The following RBM12B variants were observed in gnomAD, a reference collection of about 807,000 sequenced individuals.
RBM12B encodes RNA binding motif protein 12B.
Under a neutral mutation model 34.3 loss-of-function variants are expected in RBM12B, and 10 were observed. That is an observed-to-expected ratio of 0.29 (90% CI 0.18 to 0.49). RBM12B has a LOEUF of 0.49. Ranked by LOEUF, RBM12B falls within the 20% of genes least tolerant of loss-of-function variation. RBM12B has a pLI of 0.99. For missense variants in RBM12B, 1,139 were observed against 1,262.7 expected (o/e 0.90, Z 1.48); for synonymous variants, 477 against 437.1 (o/e 1.09, Z -1.14).
rs1336106553 is a variant in RBM12B at position 93,735,096 on chromosome 8, C to T, written c.1315G>A (p.Val439Ile). 1.9e-6 allele frequency: 3 copies of T among 1,614,172 alleles called. No homozygotes were observed. The highest frequency in any genetic ancestry group is 1.1e-5 in the South Asian group (1 of 91,080). Residue 439 changes from valine to isoleucine, a missense_variant, in exon 4 of 4, where the codon GTT becomes ATT. Physicochemically the swap from Val to Ile is conservative, Grantham distance 29. Coordinates refer to ENST00000520560, the MANE Select transcript of RBM12B (RefSeq NM_001377960.1). The part of the protein sequence containing the change: ...DIYLLYDDKG[V>I]GLGEALVKFK... ...TTCACTAATGCTTCTCCCAGACCAA[C>T]ACCTTTGTCATCATAAAGCAAGTAA...
At position 93,740,773 on chromosome 8, in the gene RBM12B, C is replaced by A. The variant is rs571997078; in HGVS notation, c.-145-77G>T. On this transcript the variant is annotated intron_variant, in intron 1 of 3. Coordinates refer to ENST00000520560, the MANE Select transcript of RBM12B (RefSeq NM_001377960.1). ...CGGCAGGAGCTACGCTAGATACTGGCGCGGCCGCCGGTCCCGCCTTTCCCC... is the reference window on the plus strand; with the variant it reads ...CGGCAGGAGCTACGCTAGATACTGGAGCGGCCGCCGGTCCCGCCTTTCCCC... 1.1e-3 allele frequency: 354 copies of A among 336,462 alleles called. 3 individuals are homozygous for A. The Admixed American group carries it at 0.014, about 13-fold the overall frequency. 20.8% of individuals were successfully genotyped at this position (336,462 alleles called of 1,614,324 possible). A position where few individuals can be genotyped will look rare whatever the true frequency, so the allele number is the denominator to read the frequency against.
Position 93,733,835 on chromosome 8 carries a change from G to A in RBM12B, c.2576C>T (p.Pro859Leu). The change falls in exon 4 of 4, where the codon CCT becomes CTT. Residue 859 changes from proline (P) to leucine (L), a missense_variant. Around this residue, in one of 3 missense-constraint regions of RBM12B, gnomAD observed 863 missense variants for 869.5 expected, o/e 0.99. Coordinates refer to ENST00000520560, the MANE Select transcript of RBM12B (RefSeq NM_001377960.1). ...AGGTCTAAAATTGTCAGGAAGTCTA[G>A]GGTCCTCCTCCGGAGCTTCCCTAAG... ...EDLREAPEED[P>L]RLPDNFRPPG... 6.2e-7 allele frequency: 1 copy of A among 1,614,096 alleles called. No homozygotes were observed.
rs1280728504 is a variant in RBM12B, at chr8:93,730,176, A to G, written c.*3229T>C. The G allele has an allele frequency of 2.0e-5, 3 of 152,248 alleles. No individual in the cohort carries two copies. Among genetic ancestry groups the G allele is most frequent in the Non-Finnish European group, 2.9e-5 (2 of 68,032 alleles). The allele number at this position is 152,248 out of a possible 1,614,324, so 9.4% of individuals were successfully genotyped here. On this transcript the variant is annotated 3_prime_UTR_variant, in exon 4 of 4. Transcript: ENST00000520560. ...GAATTAAATGATAGTTAATTCATAC[A>G]TAATTATACATCATATAGTATCTAA...
chr8:93,740,654 T>C lies in RBM12B; in HGVS notation c.-103A>G, dbSNP rs1261877368. ...CTATGAAATCCTTCGAGATCTTCAC[T>C]CTCAAGATCCCTGGGAAGCGCACAT... On this transcript the variant is annotated 5_prime_UTR_variant, in exon 2 of 4. Transcript: ENST00000520560. 2.6e-6 allele frequency: 1 copy of C among 380,574 alleles called. No individual in the cohort carries two copies. Among genetic ancestry groups the C allele is most frequent in the African/African-American group, 2.1e-5 (1 of 47,550 alleles). The allele number at this position is 380,574 out of a possible 1,614,324, so 23.6% of individuals were successfully genotyped here.
At position 93,740,616 on chromosome 8, in the gene RBM12B, GA is replaced by G; in HGVS notation, c.-78+12del. On this transcript the variant is annotated intron_variant, in intron 2 of 3. Coordinates refer to ENST00000520560, the MANE Select transcript of RBM12B (RefSeq NM_001377960.1). ...CCACTGACTACGATGACATAGCAAAGAAAAAAATATACCTATGAAATCCTTC... is the reference window on the plus strand; with the variant it reads ...CCACTGACTACGATGACATAGCAAAGAAAAAATATACCTATGAAATCCTTC... 1 of 415,712 alleles carries G rather than the reference GA, an allele frequency of 2.4e-6. No homozygotes were observed. Among genetic ancestry groups the G allele is most frequent in the South Asian group, 1.7e-5 (1 of 57,842 alleles). The allele number at this position is 415,712 out of a possible 1,614,324, so 25.8% of individuals were successfully genotyped here.
At position 93,728,168 on chromosome 8, in the gene RBM12B, G is replaced by T. The variant is rs775490509; in HGVS notation, c.*5237C>A. 2.2e-6 allele frequency: 3 copies of T among 1,340,044 alleles called. No homozygotes were observed. Among genetic ancestry groups the T allele is most frequent in the African/African-American group, 3.1e-5 (2 of 65,266 alleles). 83.0% of individuals were successfully genotyped at this position (1,340,044 alleles called of 1,614,324 possible). A position where few individuals can be genotyped will look rare whatever the true frequency, so the allele number is the denominator to read the frequency against. ...AAGAATGTAAAATTTTTTTAAGTTA[G>T]TATTTTTATTTTAAAAAGTGTGTTA... On this transcript the variant is annotated 3_prime_UTR_variant, in exon 4 of 4. Transcript: ENST00000520560.
Position 93,728,668 on chromosome 8 carries a change from A to C in RBM12B, c.*4737T>G, listed in dbSNP as rs1811659142. On this transcript the variant is annotated 3_prime_UTR_variant, in exon 4 of 4. Coordinates refer to ENST00000520560, the MANE Select transcript of RBM12B (RefSeq NM_001377960.1). Reference sequence around the variant, plus strand: ...GTTAAGACTCCATGCTTTCATTACCAGAAAAGGGTCTTACGTAGTCATTAT... The same window carrying C: ...GTTAAGACTCCATGCTTTCATTACCCGAAAAGGGTCTTACGTAGTCATTAT... The C allele has an allele frequency of 6.4e-6, 1 of 156,068 alleles. No homozygotes were observed. The highest frequency in any genetic ancestry group is 1.4e-5 in the Non-Finnish European group (1 of 70,854). The allele number at this position is 156,068 out of a possible 1,614,324, so 9.7% of individuals were successfully genotyped here.
intron 2 of RBM12B, among the ~76,000 whole-genome samples, chr8:93,737,807 CAA>C (rs78204688): frequency 1.7e-4 from 17 of 100,604 alleles, no homozygotes; most frequent in African/African-American, 3.2e-4. Context: ...ACCCAAAGTT[CAA>C]AAAAAAAAAA....
intron 3 of RBM12B, among the ~76,000 whole-genome samples, chr8:93,737,076 C>T (rs1008206181): frequency 6.6e-6 from 1 of 152,158 alleles, no homozygotes; most frequent in African/African-American, 2.4e-5. Context: ...GTGGCATGCA[C>T]CTGTAGTCCC....
chr8:93,734,833 G>T lies in RBM12B; in HGVS notation c.1578C>A (p.Asn526Lys). 6.2e-7 allele frequency: 1 copy of T among 1,614,124 alleles called. No individual in the cohort carries two copies. ...PPIYSVGAFENFRHQLEDLRQ... is the reference protein window; with the variant it reads ...PPIYSVGAFEKFRHQLEDLRQ... ...TCAAGTCCTCTAGCTGATGTCTAAA[G>T]TTTTCAAAAGCACCAACTGAGTATA... Residue 526 changes from asparagine (N) to lysine (K), a missense_variant, in exon 4 of 4, where the codon AAC (asparagine) becomes AAA (lysine). By Grantham distance (94) the Asn-to-Lys change is moderately conservative. Around this residue, in one of 3 missense-constraint regions of RBM12B, gnomAD observed 863 missense variants for 869.5 expected, o/e 0.99. Transcript: ENST00000520560.
intron 3 of RBM12B, among the ~76,000 whole-genome samples, chr8:93,736,848 C>G (rs1042167784): frequency 6.6e-6 from 1 of 152,156 alleles, no homozygotes; most frequent in Non-Finnish European, 1.5e-5. Flanking sequence ...TTAGAAAAGT[C>G]ATCTATGGTT....
At chr8:93,738,090 C>G (rs1010448250) in intron 2 of RBM12B, among the ~76,000 whole-genome samples, 7 of 152,162 alleles carry the variant, frequency 4.6e-5, no homozygotes, top group African/African-American at 1.4e-4. Flanking sequence ...AAGCACAGAA[C>G]CAAATTTCAT....
rs1811693930 is a variant in RBM12B, at chr8:93,729,313, G to A, written c.*4092C>T. 6.6e-6 allele frequency: 1 copy of A among 152,070 alleles called. No homozygotes were observed. The highest frequency in any genetic ancestry group is 1.5e-5 in the Non-Finnish European group (1 of 67,968). 9.4% of individuals were successfully genotyped at this position (152,070 alleles called of 1,614,324 possible). Reference sequence around the variant, plus strand: ...CTCCTTCCTGAGAATAGTCCTAAGTGACAAAGTTGTTTCAGTACTTTTTTG... The same window carrying A: ...CTCCTTCCTGAGAATAGTCCTAAGTAACAAAGTTGTTTCAGTACTTTTTTG... On this transcript the variant is annotated 3_prime_UTR_variant, in exon 4 of 4. Coordinates refer to ENST00000520560, the MANE Select transcript of RBM12B (RefSeq NM_001377960.1).
rs772767544 is a variant in RBM12B, at chr8:93,735,325, T to C, written c.1086A>G (p.Gln362=). The C allele has an allele frequency of 1.2e-6, 2 of 1,614,030 alleles. No homozygotes were observed. The highest frequency in any genetic ancestry group is 1.7e-6 in the Non-Finnish European group (2 of 1,180,032). The part of the protein sequence containing the change: ...PVHIDPISRK[Q]MLKFIARYEK... ...CATAACGTGCAATGAACTTCAGCATTTGTTTTCTAGAAATTGGATCAATAT... is the reference window on the plus strand; with the variant it reads ...CATAACGTGCAATGAACTTCAGCATCTGTTTTCTAGAAATTGGATCAATAT... Residue 362 remains glutamine, a synonymous_variant, in exon 4 of 4, where the codon CAA becomes CAG. Transcript: ENST00000520560.
chr8:93,734,463 C>A lies in RBM12B; in HGVS notation c.1948G>T (p.Asp650Tyr). The A allele has an allele frequency of 6.2e-7, 1 of 1,605,388 alleles. No individual in the cohort carries two copies. The highest frequency in any genetic ancestry group is 8.5e-7 in the Non-Finnish European group (1 of 1,174,600). The change falls in exon 4 of 4, where the codon GAC (aspartate) becomes TAC (tyrosine). Residue 650 changes from aspartate to tyrosine, a missense_variant. This residue lies in a region of RBM12B where 863 missense variants were observed against 869.5 expected (regional missense o/e 0.99). Transcript: ENST00000520560. ...TCCTCCTCAGGGGGTTGCCTGAAGT[C>A]CTCCTCGGGGAGCTGCCTGAAGTCC... is the stretch of plus-strand genomic sequence containing the variant. ...TEDFRQLPEE[D>Y]FRQPPEEDLR...
chr8:93,734,275 C>T lies in RBM12B; in HGVS notation c.2136G>A (p.Glu712=), dbSNP rs1052223447. ...CCTGGGGTGACTGCCTGAAGTCCTC[C>T]TCAGGGGAATGCCTGAAATCCTCCT... is the stretch of plus-strand genomic sequence containing the variant. ...PPEEDFRHSP[E]EDFRQSPQEH... is the part of the protein sequence containing the mutation. The change falls in exon 4 of 4, where the codon GAG becomes GAA. Residue 712 remains glutamate, a synonymous_variant. Transcript: ENST00000520560. 2 of 1,613,526 alleles carry T rather than the reference C, an allele frequency of 1.2e-6. No homozygotes were observed. Among genetic ancestry groups the T allele is most frequent in the Non-Finnish European group, 1.7e-6 (2 of 1,179,860 alleles).
intron 1 of RBM12B, 60 bp from the exon 2 acceptor site, chr8:93,740,756 G>C (rs934325974): frequency 3.7e-5 from 13 of 352,732 alleles, no homozygotes; most frequent in Non-Finnish European, 6.7e-5. Context: ...AACGGCAGGA[G>C]CTACGCTAGA....
At position 93,729,376 on chromosome 8, in the gene RBM12B, T is replaced by C. The variant is rs1425356657; in HGVS notation, c.*4029A>G. ...AACATTTTAAAACCCTAAATTGATATTCTTAAGAAACTCAAGATATCATTG... is the reference window on the plus strand; with the variant it reads ...AACATTTTAAAACCCTAAATTGATACTCTTAAGAAACTCAAGATATCATTG... On this transcript the variant is annotated 3_prime_UTR_variant, in exon 4 of 4. Coordinates refer to ENST00000520560, the MANE Select transcript of RBM12B (RefSeq NM_001377960.1). 1 of 152,154 alleles carries C rather than the reference T, an allele frequency of 6.6e-6. No homozygotes were observed. The highest frequency in any genetic ancestry group is 1.9e-4 in the East Asian group (1 of 5,200). 9.4% of individuals were successfully genotyped at this position (152,154 alleles called of 1,614,324 possible). A position where few individuals can be genotyped will look rare whatever the true frequency, so the allele number is the denominator to read the frequency against.
At position 93,735,715 on chromosome 8, in the gene RBM12B, C is replaced by T. The variant is rs1811999247; in HGVS notation, c.696G>A (p.Gln232=). 1 of 1,614,048 alleles carries T rather than the reference C, an allele frequency of 6.2e-7. No homozygotes were observed. The highest frequency in any genetic ancestry group is 8.5e-7 in the Non-Finnish European group (1 of 1,180,044). ...CTGCATTACCACCAAACTCAATCCA[C>T]TGTTGTTCTGATCCTTGCATTACTT... ...FIEVMQGSEQ[Q]WIEFGGNAVK... Residue 232 remains glutamine, a synonymous_variant, in exon 4 of 4, where the codon CAG becomes CAA. Transcript: ENST00000520560.
Sources: gnomAD v4.1 joint callset for allele counts (sites outside exome capture counted in the v4.1 genomes callset) on GRCh38, gnomAD v4.1.1 for gene constraint, gnomAD v4.1.1 regional missense constraint, MANE v1.5 for transcripts, NCBI Gene and HGNC (gene_info 2026-07-23, HGNC 2026-07-21) for gene names.